The following RBFOX2 variants were observed in gnomAD, a reference collection of about 807,000 sequenced individuals.
RBFOX2 encodes RNA binding protein fox-1 homolog 2.
RBFOX2 carries 10 observed loss-of-function variants against 49.1 expected under a neutral mutation model. The observed-to-expected ratio is 0.20, with a 90% CI of 0.13 to 0.35. The LOEUF (loss-of-function observed/expected upper bound fraction) is 0.35. RBFOX2 is among the 10% of genes least tolerant of loss of function. The pLI is 1.00. For missense variants in RBFOX2, 323 were observed against 486.9 expected (o/e 0.66, Z 3.17); for synonymous variants, 183 against 187.4 (o/e 0.98, Z 0.19).
upstream of RBFOX2, among the ~76,000 whole-genome samples, chr22:35,964,853 T>A (rs758284599): frequency 3.3e-5 from 5 of 152,186 alleles, no homozygotes; most frequent in Non-Finnish European, 7.4e-5. Context: ...TACTCGGAAA[T>A]TAAGGCAAAC....
At chr22:35,942,519 C>T (rs2053804072), upstream of RBFOX2, among the ~76,000 whole-genome samples, 1 of 151,804 alleles carries the variant, frequency 6.6e-6, no homozygotes, top group Non-Finnish European at 1.5e-5. Flanking sequence ...ATAGTGTTAT[C>T]AATTATTGCA....
intron 1 of RBFOX2, among the ~76,000 whole-genome samples, chr22:35,889,931 A>G (rs946291100): frequency 2.6e-5 from 4 of 152,084 alleles, no homozygotes; most frequent in African/African-American, 7.3e-5. Flanking sequence ...TATCTCTATA[A>G]TCTCTTGGTC....
At chr22:35,997,820 A>T (rs1255060903) in intron 1 of RBFOX2, 2 of 152,230 alleles carry the variant, frequency 1.3e-5, no homozygotes, top group African/African-American at 4.8e-5. Context: ...TGCCTAGGCT[A>T]TAGTGCCTCA....
At chr22:35,851,772 C>T (rs1011362196) in intron 1 of RBFOX2, among the ~76,000 whole-genome samples, 1 of 151,558 alleles carries the variant, frequency 6.6e-6, no homozygotes, top group South Asian at 2.1e-4. Flanking sequence ...AGGCTCACCA[C>T]CGCAGCCGAG....
chr22:35,869,354 C>T (rs547035256), intron 1 of RBFOX2, among the ~76,000 whole-genome samples: 294 of 151,796 alleles, frequency 1.9e-3, no homozygotes, highest in Non-Finnish European at 3.0e-3. Flanking sequence ...GACAGGGTTT[C>T]ACTTGTCCAG....
chr22:36,018,986 A>G (rs986174806), intron 1 of RBFOX2, among the ~76,000 whole-genome samples: 9 of 152,210 alleles, frequency 5.9e-5, no homozygotes, highest in African/African-American at 2.2e-4. Flanking sequence ...AAAAGGGACC[A>G]CAAGAGACAA....
chr22:35,911,037 TAGG>T (rs934764697), intron 1 of RBFOX2, among the ~76,000 whole-genome samples: 4 of 152,208 alleles, frequency 2.6e-5, no homozygotes, highest in African/African-American at 7.2e-5. Flanking sequence ...AAAAATTTTC[TAGG>T]AGGAGATAAA....
chr22:36,019,246 A>G (rs181045602), intron 1 of RBFOX2, among the ~76,000 whole-genome samples: 71 of 152,270 alleles, frequency 4.7e-4, no homozygotes, highest in Admixed American at 4.6e-3. Flanking sequence ...ACTCCTTAGC[A>G]AAGAATTGTC....
At chr22:35,775,841 C>CAAAAAAAAAAAAAAAAA (rs753116056) in intron 4 of RBFOX2, among the ~76,000 whole-genome samples, 4 of 56,144 alleles carry the variant, frequency 7.1e-5, no homozygotes, top group African/African-American at 2.1e-4. Flanking sequence ...GAATCTGCCT[C>CAAAAAAAAAAAAAAAAA]AAAAAAAAAA....
chr22:35,773,048 GAAA>G (rs201037899), intron 4 of RBFOX2, among the ~76,000 whole-genome samples: 2 of 121,126 alleles, frequency 1.7e-5, no homozygotes, highest in African/African-American at 3.0e-5. Context: ...GGTAACAAAA[GAAA>G]AAAAAAAAAC....
At position 35,749,305 on chromosome 22, in the gene RBFOX2, T is replaced by G. The variant is rs564399497; in HGVS notation, c.888-2744A>C. On this transcript the variant is annotated intron_variant, in intron 9 of 11. Coordinates refer to ENST00000405409, the Ensembl canonical transcript of RBFOX2. The surrounding 1 kb of genome is among the most constrained non-coding windows in gnomAD (Gnocchi z 4.1). The stretch of plus-strand genomic sequence containing the variant: ...GCACTAAGAAAAAACACATGAAGAG[T>G]TTTTTTTAAAGCAGATGACTTTAAC... Among the ~76,000 whole-genome samples, 1 of 151,726 alleles carries G rather than the reference T, an allele frequency of 6.6e-6. No individual in the cohort carries two copies. Among genetic ancestry groups the G allele is most frequent in the East Asian group, 1.9e-4 (1 of 5,172 alleles).
At chr22:35,813,915 G>A (rs1284168026) in intron 1 of RBFOX2, among the ~76,000 whole-genome samples, 4 of 152,226 alleles carry the variant, frequency 2.6e-5, no homozygotes, top group Non-Finnish European at 5.9e-5. Flanking sequence ...TGGGAAAGTA[G>A]AAGTGGGGAA....
chr22:35,968,937 A>G (rs1185589959), intron 1 of RBFOX2, among the ~76,000 whole-genome samples: 1 of 152,166 alleles, frequency 6.6e-6, no homozygotes, highest in Admixed American at 6.5e-5. Context: ...TCCACCGGCA[A>G]TCTATCCCTA....
intron 1 of RBFOX2, among the ~76,000 whole-genome samples, chr22:35,955,112 G>A (rs2055396471): frequency 6.6e-6 from 1 of 152,132 alleles, no homozygotes; most frequent in Admixed American, 6.5e-5. Flanking sequence ...CAATTTGTGG[G>A]TCAAGATCCA....
chr22:35,935,905 G>C (rs1234867146), intron 1 of RBFOX2, among the ~76,000 whole-genome samples: 1 of 152,176 alleles, frequency 6.6e-6, no homozygotes, highest in African/African-American at 2.4e-5. Flanking sequence ...CAAAAGGGGT[G>C]TTTGGGAGAA....
intron 1 of RBFOX2, among the ~76,000 whole-genome samples, chr22:35,899,060 G>T (rs1231852767): frequency 6.6e-6 from 1 of 151,986 alleles, no homozygotes; most frequent in African/African-American, 2.4e-5. Context: ...AGAGGTTGCG[G>T]TGAGCCGAGG....
At chr22:35,951,291 G>C (rs1198262920) in intron 1 of RBFOX2, among the ~76,000 whole-genome samples, 1 of 130,592 alleles carries the variant, frequency 7.7e-6, no homozygotes, top group African/African-American at 3.1e-5. Context: ...CGTTGCCCAG[G>C]CTGGAGTGCA....
At chr22:35,832,658 C>T (rs1321601512) in intron 1 of RBFOX2, among the ~76,000 whole-genome samples, 1 of 151,920 alleles carries the variant, frequency 6.6e-6, no homozygotes, top group African/African-American at 2.4e-5. Context: ...CATGGTGAAA[C>T]CCTGTCTCTA....
chr22:35,937,216 C>T (rs4263215), intron 1 of RBFOX2, among the ~76,000 whole-genome samples: 1 of 152,134 alleles, frequency 6.6e-6, no homozygotes. Flanking sequence ...GAATGTTTTT[C>T]TGATATATGA....
Sources: gnomAD v4.1 joint callset for allele counts (sites outside exome capture counted in the v4.1 genomes callset) on GRCh38, gnomAD v4.1.1 for gene constraint, Gnocchi (gnomAD v3.1) non-coding constraint, MANE v1.5 for transcripts, NCBI Gene and HGNC (gene_info 2026-07-23, HGNC 2026-07-21) for gene names.